The following TM9SF2 variants were observed in gnomAD, a reference collection of about 807,000 sequenced individuals.
TM9SF2 encodes 76 kDa membrane protein.
A neutral mutation model predicts 84.9 loss-of-function variants in TM9SF2; 13 were observed. That is an observed-to-expected ratio of 0.15 (90% CI 0.10 to 0.24). The LOEUF (loss-of-function observed/expected upper bound fraction) is 0.24. Ranked by LOEUF, TM9SF2 falls within the 10% of genes least tolerant of loss-of-function variation. The probability of loss-of-function intolerance (pLI) is 1.00; values close to 1 mark genes in which losing one functional copy is unlikely to be tolerated. For missense variants in TM9SF2, 562 were observed against 818.5 expected, an observed-to-expected ratio of 0.69 and a Z score of 3.82; for synonymous variants, 273 against 285.8, an observed-to-expected ratio of 0.96 and a Z score of 0.45.
chr13:99,506,484 C>A (rs1476483007), intron 1 of TM9SF2, among the ~76,000 whole-genome samples: 1 of 152,150 alleles, frequency 6.6e-6, no homozygotes, highest in Non-Finnish European at 1.5e-5. Flanking sequence ...AATATACATT[C>A]CAGCAATTGT....
chr13:99,532,360 T>G (rs1461590787), intron 4 of TM9SF2, among the ~76,000 whole-genome samples: 5 of 152,018 alleles, frequency 3.3e-5, no homozygotes, highest in Non-Finnish European at 7.4e-5. Context: ...TTGTGGGTGA[T>G]TTTTTAGCTC....
intron 2 of TM9SF2, 87 bp from the exon 3 acceptor site, chr13:99,519,946 TCAG>T: frequency 9.2e-7 from 1 of 1,084,112 alleles, no homozygotes; most frequent in African/African-American, 1.6e-5. Context: ...GCTACAATGA[TCAG>T]TACCTAATCT....
In TM9SF2 at chr13:99,520,221, A is replaced by AAGG. The variant is rs779644439; in HGVS notation, c.333+98_333+100dup. On this transcript the variant is annotated intron_variant, in intron 3 of 16. Transcript: ENST00000376387. ...CTGAGATAACTCAGCTATCATTGCT[A>AAGG]AGGAGGAGTTCATTTCTCTTTTTCA... 29 of 1,060,452 alleles carry AAGG rather than the reference A, an allele frequency of 2.7e-5. No homozygotes were observed. The East Asian group carries it at 3.9e-4, about 14-fold the overall frequency. The allele number at this position is 1,060,452 out of a possible 1,614,324, so 65.7% of individuals were successfully genotyped here.
intron 4 of TM9SF2, among the ~76,000 whole-genome samples, chr13:99,535,741 C>T (rs767873325): frequency 1.3e-5 from 2 of 152,118 alleles, no homozygotes; most frequent in Admixed American, 6.5e-5. Flanking sequence ...CCTGGAGTGT[C>T]GTCTTATGAC....
rs769080687 is a variant in TM9SF2, at chr13:99,546,989, C to T, written c.1155C>T (p.Phe385=). The change falls in exon 11 of 17, where the codon TTC becomes TTT. Residue 385 remains phenylalanine, a synonymous_variant. Transcript: ENST00000376387. Reference sequence around the variant, plus strand: ...CTTTCACGATTTGTGTTTTAGTTTTCGCTTGCCTGGGATTTTTGTCACCTG... The same window carrying T: ...CTTTCACGATTTGTGTTTTAGTTTTTGCTTGCCTGGGATTTTTGTCACCTG... The part of the protein sequence containing the change: ...ILIMTFVTLF[F]ACLGFLSPAN... 1.2e-5 allele frequency: 20 copies of T among 1,614,008 alleles called. No individual in the cohort carries two copies. The highest frequency in any genetic ancestry group is 3.3e-5 in the Admixed American group (2 of 60,002).
In TM9SF2 at chr13:99,553,782, A is replaced by G. The variant is rs776130941; in HGVS notation, c.1489-522A>G. On this transcript the variant is annotated intron_variant, in intron 13 of 16. Coordinates refer to ENST00000376387, the MANE Select transcript of TM9SF2 (RefSeq NM_004800.3). ...CATGTAGTGTGTCATGAAAGGGAGA[A>G]TAGTCGAGAACATCACCAACTCCTT... Among the ~76,000 whole-genome samples the G allele has an allele frequency of 5.3e-5, 8 of 152,326 alleles. No homozygotes were observed. In the South Asian group the frequency reaches 8.3e-4, roughly 16 times the overall value.
chr13:99,538,332 A>G (rs2046243302), intron 6 of TM9SF2, among the ~76,000 whole-genome samples: 1 of 152,104 alleles, frequency 6.6e-6, no homozygotes, highest in Non-Finnish European at 1.5e-5. Context: ...ATTATTTTTT[A>G]TCACGAACGT....
chr13:99,520,166 C>G (rs370961673), intron 3 of TM9SF2, 37 bp downstream of exon 3: 1 of 1,542,500 alleles, frequency 6.5e-7, no homozygotes, highest in Non-Finnish European at 8.8e-7. Flanking sequence ...TATTTACTTA[C>G]AGCTTTTGTT....
chr13:99,518,474 T>C (rs185210427), intron 2 of TM9SF2, among the ~76,000 whole-genome samples: 213 of 152,370 alleles, frequency 1.4e-3, no homozygotes, highest in Middle Eastern at 3.4e-3. Flanking sequence ...CATCTTTCCA[T>C]GTCAATACAT....
At position 99,526,011 on chromosome 13, in the gene TM9SF2, G is replaced by C. The variant is rs9557250; in HGVS notation, c.334-3456G>C. 1.6e-4 allele frequency among the ~76,000 whole-genome samples: 24 copies of C among 152,318 alleles called. No homozygotes were observed. The East Asian group carries it at 4.4e-3, about 28-fold the overall frequency. ...GACCTAGTGTACTGTTGGAGAGGTT[G>C]GCCTCAGTGAGCTCGTTCATCCGTG... is the stretch of plus-strand genomic sequence containing the variant. On this transcript the variant is annotated intron_variant, in intron 3 of 16. Coordinates refer to ENST00000376387, the MANE Select transcript of TM9SF2 (RefSeq NM_004800.3).
chr13:99,556,808 G>A (rs555859361), intron 15 of TM9SF2, among the ~76,000 whole-genome samples: 2 of 152,136 alleles, frequency 1.3e-5, no homozygotes, highest in Non-Finnish European at 2.9e-5. Flanking sequence ...GGATGGTCTC[G>A]ATCTCCTGAC....
intron 8 of TM9SF2, among the ~76,000 whole-genome samples, chr13:99,541,064 A>G (rs1304795735): frequency 6.6e-6 from 1 of 152,268 alleles, no homozygotes; most frequent in Non-Finnish European, 1.5e-5. Context: ...TCTGGCACAT[A>G]AGAGTGTTCA....
chr13:99,556,866 G>T (rs1566574385), intron 15 of TM9SF2, among the ~76,000 whole-genome samples: 1 of 152,132 alleles, frequency 6.6e-6, no homozygotes, highest in Non-Finnish European at 1.5e-5. Context: ...GATTACAGAC[G>T]TGAGCCACCG....
chr13:99,506,500 C>T (rs1010119694), intron 1 of TM9SF2, among the ~76,000 whole-genome samples: 77 of 152,176 alleles, frequency 5.1e-4, no homozygotes, highest in African/African-American at 1.7e-3. Context: ...ATTGTTTCTT[C>T]TTCTTCTGAA....
chr13:99,547,143 G>A (rs1204161590), intron 11 of TM9SF2, 39 bp downstream of exon 11: 3 of 1,607,896 alleles, frequency 1.9e-6, no homozygotes, highest in African/African-American at 2.7e-5. Flanking sequence ...TGATCAGGAA[G>A]GGACTCTGCT....
rs1335829770 is a variant in TM9SF2, at chr13:99,510,155, C to CCTT, written c.172-7456_172-7454dup. Reference sequence around the variant, plus strand: ...TGACCTTTGCACAAGTTCCCAGTAACCTTCTCATTTCCATCTCAGACCTCA... The same window carrying CCTT: ...TGACCTTTGCACAAGTTCCCAGTAACCTTCTTCTCATTTCCATCTCAGACCTCA... On this transcript the variant is annotated intron_variant, in intron 1 of 16. Coordinates refer to ENST00000376387, the MANE Select transcript of TM9SF2 (RefSeq NM_004800.3). Among the ~76,000 whole-genome samples the CCTT allele has an allele frequency of 6.6e-5, 10 of 152,302 alleles. No individual in the cohort carries two copies. In the South Asian group the frequency reaches 2.1e-3, roughly 32 times the overall value.
At chr13:99,557,004 A>G (rs1419843543) in intron 15 of TM9SF2, among the ~76,000 whole-genome samples, 1 of 152,172 alleles carries the variant, frequency 6.6e-6, no homozygotes, top group Admixed American at 6.5e-5. Context: ...ACATTCATGT[A>G]CAAGTGTTCG....
chr13:99,531,148 A>C (rs1292585019), intron 4 of TM9SF2, among the ~76,000 whole-genome samples: 3 of 152,200 alleles, frequency 2.0e-5, no homozygotes, highest in African/African-American at 7.2e-5. Flanking sequence ...GGTGTGAGCC[A>C]CTGCGCCCGG....
chr13:99,520,845 C>G (rs1177511602), intron 3 of TM9SF2, among the ~76,000 whole-genome samples: 1 of 152,188 alleles, frequency 6.6e-6, no homozygotes, highest in African/African-American at 2.4e-5. Flanking sequence ...GTTGAGATTA[C>G]AGATTTGAGC....
Sources: gnomAD v4.1 joint callset for allele counts (sites outside exome capture counted in the v4.1 genomes callset) on GRCh38, gnomAD v4.1.1 for gene constraint, MANE v1.5 for transcripts, NCBI Gene and HGNC (gene_info 2026-07-23, HGNC 2026-07-21) for gene names.